Variants in PTPRE observed in about 807,000 individuals in gnomAD.
PTPRE encodes the protein receptor-type tyrosine-protein phosphatase epsilon.
PTPRE carries 51 observed loss-of-function variants against 102.0 expected under a neutral mutation model. The observed-to-expected ratio is 0.50, with a 90% CI of 0.40 to 0.63. The LOEUF is 0.63. Ranked by LOEUF, PTPRE falls within the 30% of genes least tolerant of loss-of-function variation. The pLI is 0.00. For synonymous variants in PTPRE, 345 were observed against 348.2 expected (o/e 0.99, Z 0.10); for missense variants, 752 against 915.1 (o/e 0.82, Z 2.30).
At chr10:127,950,895 GA>G (rs148213375) in intron 1 of PTPRE, among the ~76,000 whole-genome samples, 9,051 of 152,032 alleles carry the variant, frequency 0.06, 404 homozygotes, top group Non-Finnish European at 0.09. Context: ...AGGAGATAGA[GA>G]CCATCCTGGC....
chr10:128,084,391 T>A lies in PTPRE; in HGVS notation c.*1485T>A, dbSNP rs1480882726. 1 of 152,220 alleles carries A rather than the reference T, an allele frequency of 6.6e-6. No individual in the cohort carries two copies. Among genetic ancestry groups the A allele is most frequent in the Non-Finnish European group, 1.5e-5 (1 of 68,038 alleles). 9.4% of individuals were successfully genotyped at this position (152,220 alleles called of 1,614,324 possible). On this transcript the variant is annotated 3_prime_UTR_variant, in exon 21 of 21. Transcript: ENST00000254667. ...TCGCACCCTCATGTTGCAGTGTTCG[T>A]CCCCTATTCATTAACAGTGTGTGCA...
chr10:128,043,399 G>A (rs1207878658), intron 3 of PTPRE, among the ~76,000 whole-genome samples: 1 of 152,174 alleles, frequency 6.6e-6, no homozygotes, highest in African/African-American at 2.4e-5. Flanking sequence ...TAGGGCTCAC[G>A]GTCCTGTAAG....
intron 1 of PTPRE, among the ~76,000 whole-genome samples, chr10:127,942,105 C>T (rs1317849493): frequency 6.6e-6 from 1 of 151,996 alleles, no homozygotes; most frequent in African/African-American, 2.4e-5. Flanking sequence ...CAGTCAAGAG[C>T]ATTTCGAGTG....
intron 2 of PTPRE, among the ~76,000 whole-genome samples, chr10:128,015,385 G>C (rs1331483674): frequency 6.8e-6 from 1 of 147,660 alleles, no homozygotes; most frequent in African/African-American, 2.5e-5. Context: ...TTTTTTTTTT[G>C]AGATGGAGTC....
rs1270896683 is a variant in PTPRE at position 128,070,037 on chromosome 10, T to C, written c.1143+210T>C. 2.7e-6 allele frequency: 2 copies of C among 749,674 alleles called. No homozygotes were observed. Among genetic ancestry groups the C allele is most frequent in the Non-Finnish European group, 4.3e-6 (2 of 467,816 alleles). 46.4% of individuals were successfully genotyped at this position (749,674 alleles called of 1,614,324 possible). ...CTTTCCCTCGTATCCTCATGTGAGATGGGGCAATCCTACTCCCCCAAACGG... is the reference window on the plus strand; with the variant it reads ...CTTTCCCTCGTATCCTCATGTGAGACGGGGCAATCCTACTCCCCCAAACGG... On this transcript the variant is annotated intron_variant, in intron 13 of 20. Coordinates refer to ENST00000254667, the MANE Select transcript of PTPRE (RefSeq NM_006504.6). The surrounding 1 kb of genome is among the most constrained non-coding windows in gnomAD (Gnocchi z 4.8).
intron 1 of PTPRE, among the ~76,000 whole-genome samples, chr10:127,908,890 C>T (rs531223130): frequency 6.6e-6 from 1 of 152,356 alleles, no homozygotes; most frequent in African/African-American, 2.4e-5. Context: ...GGTCAGGTCA[C>T]TGGATGTGTC....
intron 2 of PTPRE, among the ~76,000 whole-genome samples, chr10:128,027,428 G>A (rs773214296): frequency 1.3e-5 from 2 of 152,064 alleles, no homozygotes; most frequent in Non-Finnish European, 2.9e-5. Context: ...AAGTCAAAGT[G>A]AGGCTCTGAG....
At position 128,008,939 on chromosome 10, in the gene PTPRE, G is replaced by A; in HGVS notation, c.-8+26643G>A. On this transcript the variant is annotated intron_variant, in intron 2 of 20. Transcript: ENST00000254667. The surrounding 1 kb of genome is among the most constrained non-coding windows in gnomAD (Gnocchi z 4.0). ...CAGAGAGACAGAGAGAGGAGTCTCT[G>A]GTCTGGCTGGGGCTGGGTTACTTTG... Among the ~76,000 whole-genome samples the A allele has an allele frequency of 6.6e-6, 1 of 152,190 alleles. No homozygotes were observed. Among genetic ancestry groups the A allele is most frequent in the East Asian group, 1.9e-4 (1 of 5,194 alleles).
chr10:128,061,146 C>T (rs1195001472), intron 8 of PTPRE, 131 bp downstream of exon 8: 12 of 761,656 alleles, frequency 1.6e-5, no homozygotes, highest in Admixed American at 4.7e-5. Context: ...ACAAAGGGTA[C>T]GGAACTGCCC....
chr10:128,073,237 T>G, intron 16 of PTPRE, 100 bp from the exon 17 acceptor site: 1 of 1,497,664 alleles, frequency 6.7e-7, no homozygotes, highest in Non-Finnish European at 9.0e-7. Flanking sequence ...GATGAGAGAG[T>G]TTTCCTCATT....
intron 1 of PTPRE, among the ~76,000 whole-genome samples, chr10:127,973,119 T>C (rs1850884001): frequency 6.6e-6 from 1 of 152,210 alleles, no homozygotes; most frequent in African/African-American, 2.4e-5. Context: ...GCACTGCATA[T>C]TTTTGCTATA....
rs764863225 is a variant in PTPRE at position 128,070,281 on chromosome 10, C to T, written c.1144-20C>T. 3.2e-6 allele frequency: 5 copies of T among 1,585,966 alleles called. No individual in the cohort carries two copies. In the South Asian group the frequency reaches 4.6e-5, roughly 15 times the overall value. The stretch of plus-strand genomic sequence containing the variant: ...TGCAGGGCAGAGTTGAGGGTGTGGG[C>T]ACCCCTGGCCTCTCTGCAGATGCAG... On this transcript the variant is annotated intron_variant, in intron 13 of 20. Transcript: ENST00000254667. The surrounding 1 kb of genome is among the most constrained non-coding windows in gnomAD (Gnocchi z 4.8).
In PTPRE at chr10:128,083,142, G is replaced by T; in HGVS notation, c.*236G>T. 1 of 280,592 alleles carries T rather than the reference G, an allele frequency of 3.6e-6. No individual in the cohort carries two copies. The highest frequency in any genetic ancestry group is 6.5e-6 in the Non-Finnish European group (1 of 153,224). The allele number at this position is 280,592 out of a possible 1,614,324, so 17.4% of individuals were successfully genotyped here. A position where few individuals can be genotyped will look rare whatever the true frequency, so the allele number is the denominator to read the frequency against. On this transcript the variant is annotated 3_prime_UTR_variant, in exon 21 of 21. Coordinates refer to ENST00000254667, the MANE Select transcript of PTPRE (RefSeq NM_006504.6). ...AAAATATATATTTCTGCTAATATTA[G>T]TAAATATCTTAATTTTTCATTAGAT...
chr10:128,069,430 C>T (rs1428290200), intron 12 of PTPRE: 3 of 460,442 alleles, frequency 6.5e-6, no homozygotes, highest in East Asian at 6.9e-5. Flanking sequence ...AAAAATTCTC[C>T]ACACAGCCTA....
chr10:128,009,561 G>A (rs1844799783), intron 2 of PTPRE, among the ~76,000 whole-genome samples: 1 of 152,202 alleles, frequency 6.6e-6, no homozygotes, highest in East Asian at 1.9e-4. Flanking sequence ...GGTGCAGCGA[G>A]GTCACTATTG....
chr10:127,974,867 C>G (rs577990984), intron 1 of PTPRE, among the ~76,000 whole-genome samples: 67 of 149,176 alleles, frequency 4.5e-4, no homozygotes, highest in African/African-American at 1.6e-3. Flanking sequence ...CCTTCGTCAT[C>G]TGTAAAATGT....
chr10:127,957,088 A>G (rs181809235), intron 1 of PTPRE, among the ~76,000 whole-genome samples: 16 of 152,256 alleles, frequency 1.1e-4, no homozygotes, highest in African/African-American at 3.4e-4. Context: ...ATGAGGTTCA[A>G]TGTATCAATT....
intron 1 of PTPRE, among the ~76,000 whole-genome samples, chr10:127,931,053 A>T (rs1847403543): frequency 6.6e-6 from 1 of 152,038 alleles, no homozygotes; most frequent in Non-Finnish European, 1.5e-5. Context: ...GGCCTTCCAA[A>T]GTGCTGGGAT....
At chr10:127,941,928 C>T (rs1179068517) in intron 1 of PTPRE, among the ~76,000 whole-genome samples, 3 of 152,094 alleles carry the variant, frequency 2.0e-5, no homozygotes, top group African/African-American at 7.2e-5. Context: ...AGTTGGGCAA[C>T]CCTTGATCTC....
Sources: allele counts gnomAD v4.1 joint callset (sites outside exome capture counted in the v4.1 genomes callset), GRCh38; gene constraint gnomAD v4.1.1; non-coding constraint Gnocchi (gnomAD v3.1); transcripts MANE v1.5; gene names NCBI Gene and HGNC (gene_info 2026-07-23, HGNC 2026-07-21).